The following FMR1 variants were observed in gnomAD, a reference collection of about 807,000 sequenced individuals.
The protein encoded by FMR1 is FMRP translational regulator 1.
FMR1 carries 13 observed loss-of-function variants against 50.6 expected under a neutral mutation model. The ratio of observed to expected loss-of-function variants is 0.26; its 90% CI spans 0.17 to 0.41. The LOEUF (loss-of-function observed/expected upper bound fraction) is 0.41. Among genes scored for constraint, FMR1 ranks in the 10% least tolerant of loss-of-function variants. The pLI is 1.00. For missense variants in FMR1, 316 were observed against 491.3 expected (o/e 0.64, Z 3.37); for synonymous variants, 138 against 164.1 (o/e 0.84, Z 1.22).
chrX:147,921,898 G>A, intron 1 of FMR1, 35 bp from the exon 2 acceptor site: 1 of 973,448 alleles, frequency 1.0e-6, no homozygotes, highest in Non-Finnish European at 1.5e-6. Flanking sequence ...CTATCTTTAA[G>A]CTCACAAGTT....
In FMR1 at chrX:147,949,921, G is replaced by C. The variant is rs1206649541; in HGVS notation, c.*1077G>C. The stretch of plus-strand genomic sequence containing the variant: ...TGCAAAGTACAGGTACTTTGTCTAA[G>C]AAACATTGGAAGCAGGTTAAATGTT... On this transcript the variant is annotated 3_prime_UTR_variant, in exon 17 of 17. Coordinates refer to ENST00000370475, the MANE Select transcript of FMR1 (RefSeq NM_002024.6). 4 of 325,189 alleles carry C rather than the reference G, an allele frequency of 1.2e-5. No individual in the cohort carries two copies. Among genetic ancestry groups the C allele is most frequent in the Non-Finnish European group, 2.4e-5 (4 of 169,026 alleles). The allele number at this position is 325,189 out of a possible 1,213,427, so 26.8% of individuals were successfully genotyped here.
At position 147,943,175 on chromosome X, in the gene FMR1, G is replaced by A; in HGVS notation, c.1320G>A (p.Gln440=). The change falls in exon 14 of 17, where the codon CAG becomes CAA. Residue 440 remains glutamine (Q), a synonymous_variant. Transcript: ENST00000370475. ...LRLERLQIDE[Q]LRQIGASSRP... ...TGGAGAGATTACAAATTGATGAGCA[G>A]TTGCGACAGATTGGAGCTAGTTCTA... 1 of 1,211,049 alleles carries A rather than the reference G, an allele frequency of 8.3e-7. No homozygotes were observed. The highest frequency in any genetic ancestry group is 1.1e-6 in the Non-Finnish European group (1 of 894,841).
At chrX:147,918,555 C>CTTTTTTTTTTTTTTTTGTT (rs2042993212) in intron 1 of FMR1, among the ~76,000 whole-genome samples, 1 of 47,277 alleles carries the variant, frequency 2.1e-5, no homozygotes. Context: ...CCTGCAAAAG[C>CTTTTTTTTTTTTTTTTGTT]TTTTTTTTTT....
intron 1 of FMR1, chrX:147,913,715 AAC>A (rs1349755574): frequency 8.9e-6 from 1 of 112,183 alleles, no homozygotes; most frequent in East Asian, 2.8e-4. Context: ...TTATGTTCTT[AAC>A]AGTCTCATGA....
At chrX:147,914,228 G>T (rs1473110613) in intron 1 of FMR1, 1 of 112,559 alleles carries the variant, frequency 8.9e-6, no homozygotes, top group East Asian at 2.8e-4. Flanking sequence ...ACAAGTGTGT[G>T]TCAGACAAAT....
intron 1 of FMR1, among the ~76,000 whole-genome samples, chrX:147,918,869 C>T: frequency 9.1e-6 from 1 of 110,194 alleles, no homozygotes; most frequent in Non-Finnish European, 1.9e-5. Flanking sequence ...GAATTGGAGA[C>T]TGATTTTAAT....
intron 9 of FMR1, 139 bp downstream of exon 9, chrX:147,932,902 C>T: frequency 2.1e-6 from 1 of 467,618 alleles, no homozygotes; most frequent in South Asian, 3.3e-5. Flanking sequence ...ATGATCTGTT[C>T]TTTTTTTTTA....
At chrX:147,946,705 TGTC>T (rs1433530471) in intron 16 of FMR1, among the ~76,000 whole-genome samples, 1 of 112,590 alleles carries the variant, frequency 8.9e-6, no homozygotes, top group African/African-American at 3.2e-5. Flanking sequence ...GAATCTATGT[TGTC>T]GTCTACTTTT....
chrX:147,933,286 A>T, intron 9 of FMR1: 1 of 360,032 alleles, frequency 2.8e-6, no homozygotes, highest in African/African-American at 2.7e-5. Flanking sequence ...ATATCTTAAA[A>T]TTAAATAATT....
In FMR1 at chrX:147,936,465, T is replaced by C. The variant is rs25712; in HGVS notation, c.881-39T>C. ...GGGCTGTGCTTACTGCTTTGAGGTA[T>C]GTGTTTTTAAAACCAAACTTGATTT... On this transcript the variant is annotated intron_variant, in intron 9 of 16. Coordinates refer to ENST00000370475, the MANE Select transcript of FMR1 (RefSeq NM_002024.6). 20 of 841,824 alleles carry C rather than the reference T, an allele frequency of 2.4e-5. No individual in the cohort carries two copies. In the African/African-American group the frequency reaches 3.8e-4, roughly 16 times the overall value. The allele number at this position is 841,824 out of a possible 1,213,427, so 69.4% of individuals were successfully genotyped here.
At chrX:147,938,927 G>A (rs1049765096) in intron 12 of FMR1, among the ~76,000 whole-genome samples, 37 of 111,549 alleles carry the variant, frequency 3.3e-4, no homozygotes, top group Non-Finnish European at 5.8e-4. Context: ...AGGTCTACTC[G>A]TGAAGTGCTT....
chrX:147,929,703 G>A (rs1414346685), intron 5 of FMR1, among the ~76,000 whole-genome samples: 4 of 111,748 alleles, frequency 3.6e-5, no homozygotes, highest in Non-Finnish European at 7.5e-5. Flanking sequence ...CTACTGACTT[G>A]TATGTAACTG....
intron 9 of FMR1, 27 bp downstream of exon 9, chrX:147,932,790 T>C (rs1308494486): frequency 2.0e-6 from 2 of 1,005,876 alleles, no homozygotes; most frequent in African/African-American, 1.9e-5. Flanking sequence ...TGTTGACATA[T>C]AGTACAACAA....
intron 4 of FMR1, 123 bp from the exon 5 acceptor site, chrX:147,928,536 T>C (rs1376727032): frequency 8.1e-6 from 6 of 745,279 alleles, no homozygotes; most frequent in Non-Finnish European, 1.2e-5. Context: ...ATGTGTTCAG[T>C]ATGTTTCTGT....
chrX:147,940,348 A>G, intron 12 of FMR1: 1 of 386,351 alleles, frequency 2.6e-6, no homozygotes, highest in Admixed American at 4.3e-5. Flanking sequence ...AGTCTTTATA[A>G]TAATCTGATA....
intron 1 of FMR1, chrX:147,914,018 T>C (rs1426776200): frequency 8.9e-6 from 1 of 112,409 alleles, no homozygotes; most frequent in East Asian, 2.8e-4. Context: ...TTGAAGTACT[T>C]ATTGTTCTCT....
At chrX:147,919,867 T>C (rs141098913) in intron 1 of FMR1, among the ~76,000 whole-genome samples, 73 of 112,547 alleles carry the variant, frequency 6.5e-4, no homozygotes, top group African/African-American at 2.3e-3. Flanking sequence ...TAATTTGATA[T>C]TTTGGGAAGT....
At chrX:147,914,604 G>C (rs961017803) in intron 1 of FMR1, among the ~76,000 whole-genome samples, 7 of 111,729 alleles carry the variant, frequency 6.3e-5, no homozygotes, top group African/African-American at 2.3e-4. Flanking sequence ...ATATTTGCAA[G>C]GACAGCTCTC....
chrX:147,945,004 G>T lies in FMR1; in HGVS notation c.1607G>T (p.Gly536Val), dbSNP rs1242465710. The change falls in exon 15 of 17, where the codon GGG becomes GTG. Residue 536 changes from glycine (G) to valine (V), a missense_variant. By Grantham distance (109) the Gly-to-Val change is moderately radical. Around this residue, in one of 4 missense-constraint regions of FMR1, gnomAD observed 124 missense variants for 160.8 expected, o/e 0.77. Transcript: ENST00000370475. The part of the protein sequence containing the change: ...LRRGDGRRRG[G>V]GGRGQGGRGR... ...AGAGGAGACGGACGGCGGCGTGGAG[G>T]GGGAGGAAGAGGACAAGGAGGAAGA... The T allele has an allele frequency of 1.2e-5, 14 of 1,195,204 alleles. No individual in the cohort carries two copies. Among genetic ancestry groups the T allele is most frequent in the Admixed American group, 9.1e-5 (4 of 44,015 alleles).
Sources: allele counts gnomAD v4.1 joint callset (sites outside exome capture counted in the v4.1 genomes callset), GRCh38; gene constraint gnomAD v4.1.1; regional missense constraint gnomAD v4.1.1; transcripts MANE v1.5; gene names NCBI Gene and HGNC (gene_info 2026-07-23, HGNC 2026-07-21).